The following GPR137 variants were observed in gnomAD, a reference collection of about 807,000 sequenced individuals.
GPR137 encodes G protein-coupled receptor 137.
Under a neutral mutation model 38.9 loss-of-function variants are expected in GPR137, and 20 were observed. The ratio of observed to expected loss-of-function variants is 0.51; its 90% CI spans 0.36 to 0.75. GPR137 has a LOEUF of 0.75. Ranked by LOEUF, GPR137 falls within the 30% of genes least tolerant of loss-of-function variation. The pLI, the probability that GPR137 is intolerant of heterozygous loss-of-function variation, is 0.00. For missense variants in GPR137, 456 were observed against 526.4 expected, an observed-to-expected ratio of 0.87 and a Z score of 1.31; for synonymous variants, 226 against 235.8, an observed-to-expected ratio of 0.96 and a Z score of 0.38.
chr11:64,285,737 A>G (rs2033909468), upstream of GPR137: 2 of 985,178 alleles, frequency 2.0e-6, no homozygotes, highest in Non-Finnish European at 2.4e-6. Context: ...GCTCGCGCCA[A>G]TTCTCGTACG....
chr11:64,275,728 G>A (rs1055681580), exon 1 of GPR137: 2 of 152,000 alleles, frequency 1.3e-5, no homozygotes, highest in East Asian at 1.9e-4. Context: ...GGACCACTAC[G>A]CTTGCCGGAC....
At chr11:64,274,974 CAG>C (rs2032942614), upstream of GPR137, among the ~76,000 whole-genome samples, 1 of 104,184 alleles carries the variant, frequency 9.6e-6, no homozygotes, top group Admixed American at 1.5e-4. Flanking sequence ...GTCTGGGAGA[CAG>C]AGTGAGACTT....
At chr11:64,279,495 G>A (rs760008364), upstream of GPR137, among the ~76,000 whole-genome samples, 4 of 152,194 alleles carry the variant, frequency 2.6e-5, no homozygotes, top group Non-Finnish European at 4.4e-5. Context: ...GGCCAGACGC[G>A]GTGGCTCATG....
intron 2 of GPR137, chr11:64,276,996 G>T: frequency 1.4e-6 from 1 of 723,412 alleles, no homozygotes. Flanking sequence ...CCTGCACTGG[G>T]ATTTTCAGAG....
At chr11:64,287,219 T>C in intron 2 of GPR137, 1 of 985,012 alleles carries the variant, frequency 1.0e-6, no homozygotes, top group Non-Finnish European at 1.2e-6. Context: ...GGAATGCTTG[T>C]GGTAGTGTGA....
chr11:64,273,320 C>A (rs1416631315), upstream of GPR137, among the ~76,000 whole-genome samples: 1 of 152,138 alleles, frequency 6.6e-6, no homozygotes, highest in Non-Finnish European at 1.5e-5. Context: ...TTGCAGTGAG[C>A]CGAGATTGTG....
At chr11:64,278,998 C>T (rs920870253) in intron 2 of GPR137, among the ~76,000 whole-genome samples, 3 of 152,194 alleles carry the variant, frequency 2.0e-5, no homozygotes, top group Admixed American at 6.5e-5. Flanking sequence ...TGTCTTCTCC[C>T]GCAGCCCTCT....
chr11:64,271,562 G>C (rs2032609315), upstream of GPR137: 2 of 1,362,270 alleles, frequency 1.5e-6, no homozygotes, highest in Middle Eastern at 2.1e-4. Context: ...ACAGACCGGC[G>C]GGGGGCGGCC....
At chr11:64,279,103 T>TC (rs2033257295) in intron 2 of GPR137, among the ~76,000 whole-genome samples, 1 of 151,952 alleles carries the variant, frequency 6.6e-6, no homozygotes, top group African/African-American at 2.4e-5. Context: ...CAGCACCCTG[T>TC]CTCCTTTCTG....
chr11:64,284,973 C>T, upstream of GPR137: 3 of 1,371,166 alleles, frequency 2.2e-6, no homozygotes, highest in Non-Finnish European at 2.8e-6. Flanking sequence ...AGTCCTTCAG[C>T]CCCTCTGGGC....
chr11:64,285,021 TC>T (rs1565354762), upstream of GPR137: 10 of 1,191,142 alleles, frequency 8.4e-6, no homozygotes, highest in Non-Finnish European at 8.6e-6. Context: ...TAGTGACAGC[TC>T]CCCCGGGAGC....
chr11:64,284,607 G>C (rs2033730378), upstream of GPR137: 9 of 1,500,314 alleles, frequency 6.0e-6, no homozygotes, highest in Non-Finnish European at 8.0e-6. Flanking sequence ...CGCCCCGCCC[G>C]TGGTGACGGC....
upstream of GPR137, chr11:64,284,112 A>C (rs1680412135): frequency 3.3e-6 from 5 of 1,493,132 alleles, no homozygotes; most frequent in Non-Finnish European, 4.5e-6. Flanking sequence ...CTGTGGATGC[A>C]ACTGGGATGC....
At chr11:64,273,182 T>C (rs1195720207), upstream of GPR137, among the ~76,000 whole-genome samples, 1 of 151,874 alleles carries the variant, frequency 6.6e-6, no homozygotes, top group Non-Finnish European at 1.5e-5. Flanking sequence ...CAGCCTGGCC[T>C]CAAACTCTGG....
rs2034085707 is a variant in GPR137 at position 64,286,547 on chromosome 11, T to C, written c.23T>C (p.Leu8Pro). The C allele has an allele frequency of 6.2e-7, 1 of 1,612,444 alleles. No homozygotes were observed. Residue 8 changes from leucine (L) to proline (P), a missense_variant, in exon 1 of 7, where the codon CTG becomes CCG. Physicochemically the swap from Leu to Pro is moderately conservative, Grantham distance 98 (BLOSUM62 -3). Transcript: ENST00000438980. ...GACATGGAGAGTAACCTGTCTGGCC[T>C]GGTGCCTGCTGCCGGGCTGGTGCCT... MESNLSG[L>P]VPAAGLVPAL...
Position 64,288,990 on chromosome 11 carries a change from G to A in GPR137, c.1032-47G>A, listed in dbSNP as rs1489256218. The A allele has an allele frequency of 3.2e-5, 48 of 1,478,724 alleles. No homozygotes were observed. The highest frequency in any genetic ancestry group is 3.0e-4 in the East Asian group (12 of 40,594). 91.6% of individuals were successfully genotyped at this position (1,478,724 alleles called of 1,614,324 possible). On this transcript the variant is annotated intron_variant, in intron 6 of 6. Transcript: ENST00000438980. The surrounding 1 kb of genome is among the most constrained non-coding windows in gnomAD (Gnocchi z 5.5). ...TCTTCCTCCTGCAGCTCTTGTGACT[G>A]TGGCCCTGGTCACTGTCCTGAGACT...
At chr11:64,279,598 T>A (rs1416124918), upstream of GPR137, among the ~76,000 whole-genome samples, 6 of 150,226 alleles carry the variant, frequency 4.0e-5, no homozygotes, top group East Asian at 1.2e-3. Flanking sequence ...AACCCCCGTC[T>A]CCACTAAAAA....
chr11:64,288,742 T>A lies in GPR137; in HGVS notation c.1031+21T>A. ...ACCAGGTAGGAGCCGTGGCACTGCC[T>A]CAGTACCCCTGCCCTACCCGCCCAC... On this transcript the variant is annotated intron_variant, in intron 6 of 6. Transcript: ENST00000438980. The surrounding 1 kb of genome is among the most constrained non-coding windows in gnomAD (Gnocchi z 5.5). 1 of 1,520,946 alleles carries A rather than the reference T, an allele frequency of 6.6e-7. No homozygotes were observed. The highest frequency in any genetic ancestry group is 1.3e-5 in the South Asian group (1 of 79,604). The allele number at this position is 1,520,946 out of a possible 1,614,324, so 94.2% of individuals were successfully genotyped here.
At chr11:64,277,407 G>GA (rs1054993656) in intron 2 of GPR137, among the ~76,000 whole-genome samples, 2 of 152,188 alleles carry the variant, frequency 1.3e-5, no homozygotes, top group Non-Finnish European at 2.9e-5. Context: ...CATAAAATCA[G>GA]AAAGTACTCT....
Sources: allele counts gnomAD v4.1 joint callset (sites outside exome capture counted in the v4.1 genomes callset), GRCh38; gene constraint gnomAD v4.1.1; non-coding constraint Gnocchi (gnomAD v3.1); transcripts MANE v1.5; gene names NCBI Gene and HGNC (gene_info 2026-07-23, HGNC 2026-07-21).